The following STIM1 variants were observed in gnomAD, a reference collection of about 807,000 sequenced individuals.
STIM1 encodes stromal interaction molecule 1.
Under a neutral mutation model 74.7 loss-of-function variants are expected in STIM1, and 25 were observed. The observed-to-expected ratio is 0.33, with a 90% CI of 0.24 to 0.47. The LOEUF is 0.47. Ranked by LOEUF, STIM1 falls within the 20% of genes least tolerant of loss-of-function variation. The pLI is 1.00. For synonymous variants in STIM1, 328 were observed against 348.8 expected (o/e 0.94, Z 0.66); for missense variants, 728 against 920.8 (o/e 0.79, Z 2.71).
At chr11:3,964,727 CT>C (rs796758787) in intron 1 of STIM1, among the ~76,000 whole-genome samples, 3,911 of 141,856 alleles carry the variant, frequency 0.028, 112 homozygotes, top group African/African-American at 0.085. Context: ...TTCTTTAATT[CT>C]TTTTTTTTTT....
intron 1 of STIM1, among the ~76,000 whole-genome samples, chr11:3,883,144 C>T (rs937931973): frequency 1.8e-4 from 28 of 152,170 alleles, no homozygotes; most frequent in African/African-American, 6.5e-4. Context: ...ATATACCTAG[C>T]TCTTTCATGT....
chr11:3,939,646 A>G (rs2092980316), intron 1 of STIM1, among the ~76,000 whole-genome samples: 2 of 152,220 alleles, frequency 1.3e-5, no homozygotes, highest in South Asian at 4.1e-4. Context: ...ATTGAGATTC[A>G]GAGAAGTTAA....
chr11:4,040,405 C>T (rs1049917264), intron 3 of STIM1, among the ~76,000 whole-genome samples: 1 of 152,130 alleles, frequency 6.6e-6, no homozygotes, highest in African/African-American at 2.4e-5. Context: ...GCTGTTTCCT[C>T]TATTCATCTT....
chr11:4,086,075 T>G (rs1378808093), intron 11 of STIM1: 1 of 184,916 alleles, frequency 5.4e-6, no homozygotes, highest in Non-Finnish European at 1.1e-5. Context: ...ATGAACATGT[T>G]TATGTATAAG....
intron 2 of STIM1, among the ~76,000 whole-genome samples, chr11:3,978,627 A>G (rs1226208933): frequency 1.3e-5 from 2 of 151,706 alleles, no homozygotes; most frequent in Admixed American, 6.6e-5. Flanking sequence ...TGGGGTTGGT[A>G]TCAGGTGCCT....
intron 4 of STIM1, among the ~76,000 whole-genome samples, chr11:4,057,801 T>C (rs1056145767): frequency 3.5e-5 from 5 of 143,220 alleles, no homozygotes; most frequent in Non-Finnish European, 7.5e-5. Context: ...ACCCGGGAGG[T>C]GGAGCTTGCA....
intron 2 of STIM1, among the ~76,000 whole-genome samples, chr11:3,978,357 A>G (rs567614757): frequency 6.7e-6 from 1 of 149,454 alleles, no homozygotes; most frequent in Non-Finnish European, 1.5e-5. Context: ...CATGTTGGTC[A>G]GGCTGGTTTC....
chr11:4,023,423 C>T (rs909858434), intron 2 of STIM1, among the ~76,000 whole-genome samples: 10 of 152,140 alleles, frequency 6.6e-5, no homozygotes, highest in Non-Finnish European at 1.3e-4. Context: ...GCATTATCTT[C>T]AAGAGTATCA....
chr11:4,086,831 CTG>C (rs1375554918), intron 12 of STIM1: 1 of 1,535,388 alleles, frequency 6.5e-7, no homozygotes, highest in African/African-American at 1.4e-5. Context: ...GACAGCACCG[CTG>C]TGATGCCTGG....
At chr11:4,082,833 C>A (rs771601988) in intron 8 of STIM1, 49 bp from the exon 9 acceptor site, 3 of 1,524,092 alleles carry the variant, frequency 2.0e-6, no homozygotes, top group Non-Finnish European at 2.7e-6. Flanking sequence ...CTCATTTATT[C>A]CATTCTCGAA....
At chr11:3,860,452 A>G (rs189725533) in intron 1 of STIM1, among the ~76,000 whole-genome samples, 114 of 152,332 alleles carry the variant, frequency 7.5e-4, no homozygotes, top group Non-Finnish European at 1.4e-3. Flanking sequence ...CTCTACCTCT[A>G]CTTTAGCCAC....
chr11:3,977,771 A>T (rs1407153640), intron 2 of STIM1, among the ~76,000 whole-genome samples: 1 of 151,466 alleles, frequency 6.6e-6, no homozygotes, highest in African/African-American at 2.4e-5. Flanking sequence ...TTTTTTTTTT[A>T]AGCTATTTGA....
chr11:3,866,645 T>C (rs2090869427), intron 1 of STIM1, among the ~76,000 whole-genome samples: 1 of 152,078 alleles, frequency 6.6e-6, no homozygotes. Flanking sequence ...CAGGCTGGTC[T>C]TGAACTCCTG....
At chr11:4,045,495 G>T (rs2094184008) in intron 3 of STIM1, among the ~76,000 whole-genome samples, 1 of 151,604 alleles carries the variant, frequency 6.6e-6, no homozygotes, top group African/African-American at 2.4e-5. Flanking sequence ...TGTCACCCAG[G>T]CTGGAGTACA....
chr11:4,059,261 G>A lies in STIM1; in HGVS notation c.498-20G>A. Reference sequence around the variant, plus strand: ...GGCTTTACTGGGAGGGAACTGATCTGCTACTCTTTGCCTCAACAGGCTGGC... The same window carrying A: ...GGCTTTACTGGGAGGGAACTGATCTACTACTCTTTGCCTCAACAGGCTGGC... On this transcript the variant is annotated intron_variant, in intron 4 of 12. Coordinates refer to ENST00000526596, the MANE Select transcript of STIM1 (RefSeq NM_001382567.1). 1 of 1,605,158 alleles carries A rather than the reference G, an allele frequency of 6.2e-7. No homozygotes were observed. The highest frequency in any genetic ancestry group is 8.5e-7 in the Non-Finnish European group (1 of 1,171,904).
At chr11:4,046,914 A>G (rs2094197901) in intron 3 of STIM1, among the ~76,000 whole-genome samples, 1 of 152,096 alleles carries the variant, frequency 6.6e-6, no homozygotes, top group African/African-American at 2.4e-5. Flanking sequence ...CAGCCTCCCA[A>G]AGTGCTGGGA....
intron 1 of STIM1, among the ~76,000 whole-genome samples, chr11:3,904,121 C>T (rs7118310): frequency 0.29 from 42,255 of 143,334 alleles, 7,219 homozygotes; most frequent in African/African-American, 0.48. Context: ...TGCTTGAACC[C>T]GGGAGGCAGA....
chr11:3,957,503 T>C (rs1225543111), intron 1 of STIM1, among the ~76,000 whole-genome samples: 1 of 151,974 alleles, frequency 6.6e-6, no homozygotes, highest in Non-Finnish European at 1.5e-5. Flanking sequence ...GCGATCCACC[T>C]GCCTCAGCCT....
At chr11:4,063,889 TTC>T (rs1431848681) in intron 5 of STIM1, among the ~76,000 whole-genome samples, 1 of 152,234 alleles carries the variant, frequency 6.6e-6, no homozygotes, top group African/African-American at 2.4e-5. Context: ...TGGGAGGAAC[TTC>T]TTCCTCAATA....
Sources: gnomAD v4.1 joint callset for allele counts (sites outside exome capture counted in the v4.1 genomes callset) on GRCh38, gnomAD v4.1.1 for gene constraint, MANE v1.5 for transcripts, NCBI Gene and HGNC (gene_info 2026-07-23, HGNC 2026-07-21) for gene names.